Variants in RAB8A observed in about 807,000 individuals in gnomAD.
RAB8A encodes the protein RAB8A, member RAS oncogene family.
Under a neutral mutation model 29.2 loss-of-function variants are expected in RAB8A, and 5 were observed. The observed-to-expected ratio is 0.17, with a 90% confidence interval of 0.09 to 0.36. RAB8A has a LOEUF of 0.36. RAB8A is among the 10% of genes least tolerant of loss of function. RAB8A has a pLI of 1.00. For synonymous variants in RAB8A, 108 were observed against 99.9 expected, an observed-to-expected ratio of 1.08 and a Z score of -0.49; for missense variants, 171 against 272.2, an observed-to-expected ratio of 0.63 and a Z score of 2.62.
intron 4 of RAB8A, chr19:16,126,678 G>A (rs558280257): frequency 2.6e-5 from 4 of 152,362 alleles, no homozygotes; most frequent in Non-Finnish European, 4.4e-5. Flanking sequence ...CCTCAGGCAC[G>A]GCCTGTTTCT....
At position 16,132,461 on chromosome 19, in the gene RAB8A, T is replaced by C; in HGVS notation, c.*157T>C. ...CAGAATGCAATTGAGAAATCGTTTA[T>C]TTTAGTAACTGTCTGATCTTTTTCA... is the stretch of plus-strand genomic sequence containing the variant. On this transcript the variant is annotated 3_prime_UTR_variant, in exon 8 of 8. Coordinates refer to ENST00000300935, the MANE Select transcript of RAB8A (RefSeq NM_005370.5). This position sits in a 1 kb window ranked among gnomAD's most constrained non-coding sequence, Gnocchi z 5.6. 6.2e-6 allele frequency: 4 copies of C among 640,068 alleles called. No individual in the cohort carries two copies. Among genetic ancestry groups the C allele is most frequent in the Non-Finnish European group, 1.1e-5 (4 of 370,320 alleles). The allele number at this position is 640,068 out of a possible 1,614,324, so 39.6% of individuals were successfully genotyped here. A position where few individuals can be genotyped will look rare whatever the true frequency, so the allele number is the denominator to read the frequency against.
intron 6 of RAB8A, among the ~76,000 whole-genome samples, chr19:16,128,432 T>C (rs755855324): frequency 1.3e-5 from 2 of 152,102 alleles, no homozygotes; most frequent in Non-Finnish European, 2.9e-5. Context: ...GCCACACCAC[T>C]CACCCTGGAG....
chr19:16,118,865 T>A (rs1056879340), intron 2 of RAB8A, among the ~76,000 whole-genome samples: 1 of 152,124 alleles, frequency 6.6e-6, no homozygotes, highest in Non-Finnish European at 1.5e-5. Flanking sequence ...CACATACAAT[T>A]AGGGAAGTGG....
rs1197660545 is a variant in RAB8A at position 16,125,493 on chromosome 19, C to T, written c.270C>T (p.Ile90=). 1 of 1,614,052 alleles carries T rather than the reference C, an allele frequency of 6.2e-7. No homozygotes were observed. Among genetic ancestry groups the T allele is most frequent in the African/African-American group, 1.3e-5 (1 of 74,940 alleles). Residue 90 remains isoleucine, a synonymous_variant, in exon 4 of 8, where the codon ATC becomes ATT. Coordinates refer to ENST00000300935, the MANE Select transcript of RAB8A (RefSeq NM_005370.5). The surrounding 1 kb of genome is among the most constrained non-coding windows in gnomAD (Gnocchi z 5.0). Reference sequence around the variant, plus strand: ...AGGGCATCATGCTGGTCTACGACATCACCAACGAGAAGTCCTTCGACAACA... The same window carrying T: ...AGGGCATCATGCTGGTCTACGACATTACCAACGAGAAGTCCTTCGACAACA... ...GAMGIMLVYD[I]TNEKSFDNIR...
chr19:16,127,599 C>A lies in RAB8A; in HGVS notation c.414+73C>A. On this transcript the variant is annotated intron_variant, in intron 5 of 7. Transcript: ENST00000300935. The surrounding 1 kb of genome is among the most constrained non-coding windows in gnomAD (Gnocchi z 4.8). Reference sequence around the variant, plus strand: ...CTTGTGCAGAGGCCTTCCCCTGTCCCTCCTCTGCCCCAGGGGCCTGAGACG... The same window carrying A: ...CTTGTGCAGAGGCCTTCCCCTGTCCATCCTCTGCCCCAGGGGCCTGAGACG... 8.3e-7 allele frequency: 1 copy of A among 1,208,644 alleles called. No individual in the cohort carries two copies. Among genetic ancestry groups the A allele is most frequent in the Non-Finnish European group, 1.1e-6 (1 of 885,590 alleles). The allele number at this position is 1,208,644 out of a possible 1,614,324, so 74.9% of individuals were successfully genotyped here. A position where few individuals can be genotyped will look rare whatever the true frequency, so the allele number is the denominator to read the frequency against.
chr19:16,118,700 A>G (rs2090858206), intron 2 of RAB8A, among the ~76,000 whole-genome samples: 1 of 152,108 alleles, frequency 6.6e-6, no homozygotes. Flanking sequence ...TCAGAAGCAT[A>G]AAGGTCCAAC....
Position 16,118,305 on chromosome 19 carries a change from T to C in RAB8A, c.185+19T>C, listed in dbSNP as rs776862045. On this transcript the variant is annotated intron_variant, in intron 2 of 7. Transcript: ENST00000300935. ...AGATATGGTAAGAGTCATTGTTCTC[T>C]GTCATTCTCTCCACCTGGCAATGGC... The C allele has an allele frequency of 6.2e-7, 1 of 1,604,268 alleles. No individual in the cohort carries two copies.
chr19:16,113,157 A>G (rs912794561), intron 1 of RAB8A, among the ~76,000 whole-genome samples: 18 of 152,326 alleles, frequency 1.2e-4, no homozygotes, highest in African/African-American at 3.6e-4. Context: ...CTGGCCCACA[A>G]TGAAAAGGTT....
At chr19:16,112,072 G>T (rs1168799122) in intron 1 of RAB8A, 47 bp downstream of exon 1, 1 of 1,606,170 alleles carries the variant, frequency 6.2e-7, no homozygotes, top group South Asian at 1.1e-5. Flanking sequence ...CCCGGGCTGG[G>T]CGCGCCCCTG....
Position 16,132,544 on chromosome 19 carries a change from G to T in RAB8A, c.*240G>T, listed in dbSNP as rs568968727. The T allele has an allele frequency of 4.9e-4, 259 of 528,440 alleles. 1 individual carries two copies. Among genetic ancestry groups the T allele is most frequent in the African/African-American group, 4.6e-3 (239 of 52,052 alleles). The allele number at this position is 528,440 out of a possible 1,614,324, so 32.7% of individuals were successfully genotyped here. ...ATTTTTCCTGTAACATCTGCTGAACGGGCCCACCCACACGTTGTATATTCA... is the reference window on the plus strand; with the variant it reads ...ATTTTTCCTGTAACATCTGCTGAACTGGCCCACCCACACGTTGTATATTCA... On this transcript the variant is annotated 3_prime_UTR_variant, in exon 8 of 8. Transcript: ENST00000300935. The surrounding 1 kb of genome is among the most constrained non-coding windows in gnomAD (Gnocchi z 5.6).
At chr19:16,117,488 CA>C (rs111522838) in intron 1 of RAB8A, among the ~76,000 whole-genome samples, 191 of 135,622 alleles carry the variant, frequency 1.4e-3, no homozygotes, top group Middle Eastern at 3.6e-3. Context: ...GACTCCATCT[CA>C]AAAAAAAAAA....
chr19:16,131,596 T>C (rs1315580809), intron 7 of RAB8A, among the ~76,000 whole-genome samples: 5 of 151,184 alleles, frequency 3.3e-5, no homozygotes, highest in Admixed American at 6.6e-5. Context: ...GATGGGTGGA[T>C]GGATGGTTGG....
chr19:16,120,551 TCTG>T (rs2090869890), intron 2 of RAB8A, among the ~76,000 whole-genome samples: 4 of 151,572 alleles, frequency 2.6e-5, no homozygotes, highest in Non-Finnish European at 5.9e-5. Context: ...CCTCAGGTGA[TCTG>T]CTGGCCTCAG....
chr19:16,118,981 G>A (rs1356950204), intron 2 of RAB8A, among the ~76,000 whole-genome samples: 3 of 152,220 alleles, frequency 2.0e-5, no homozygotes, highest in Admixed American at 2.0e-4. Context: ...CTCGCACAGA[G>A]TCACTGGCCC....
chr19:16,125,463 C>T lies in RAB8A; in HGVS notation c.247-7C>T, dbSNP rs780405164. The T allele has an allele frequency of 6.3e-5, 101 of 1,613,402 alleles. No homozygotes were observed. Among genetic ancestry groups the T allele is most frequent in the African/African-American group, 8.0e-5 (6 of 74,908 alleles). ...ATCAGGCACCTGTGTCTTCTCTCCCCGCGCAGGGCATCATGCTGGTCTACG... is the reference window on the plus strand; with the variant it reads ...ATCAGGCACCTGTGTCTTCTCTCCCTGCGCAGGGCATCATGCTGGTCTACG... On this transcript the variant is annotated splice_region_variant and splice_polypyrimidine_tract_variant and intron_variant, in intron 3 of 7. Transcript: ENST00000300935. This position sits in a 1 kb window ranked among gnomAD's most constrained non-coding sequence, Gnocchi z 5.0.
At chr19:16,115,466 C>T (rs192198360) in intron 1 of RAB8A, among the ~76,000 whole-genome samples, 7 of 152,222 alleles carry the variant, frequency 4.6e-5, no homozygotes, top group African/African-American at 1.7e-4. Context: ...TGAACTTGGC[C>T]CTGTAGCTCC....
Position 16,125,016 on chromosome 19 carries a change from T to G in RAB8A, c.247-454T>G. The G allele has an allele frequency of 4.4e-6, 1 of 229,608 alleles. No homozygotes were observed. Among genetic ancestry groups the G allele is most frequent in the Non-Finnish European group, 9.0e-6 (1 of 111,258 alleles). The allele number at this position is 229,608 out of a possible 1,614,324, so 14.2% of individuals were successfully genotyped here. A position where few individuals can be genotyped will look rare whatever the true frequency, so the allele number is the denominator to read the frequency against. The stretch of plus-strand genomic sequence containing the variant: ...GGTCAGGACTTCCTGGGCTCAGTTG[T>G]GCCTGGTAGGTGGCTCAGGCAGAGC... On this transcript the variant is annotated intron_variant, in intron 3 of 7. Transcript: ENST00000300935. The surrounding 1 kb of genome is among the most constrained non-coding windows in gnomAD (Gnocchi z 5.0).
At chr19:16,121,928 G>A in intron 3 of RAB8A, 118 bp downstream of exon 3, 1 of 979,260 alleles carries the variant, frequency 1.0e-6, no homozygotes, top group Non-Finnish European at 1.6e-6. Flanking sequence ...AACTCCTCAG[G>A]GCTCCTTGGT....
Position 16,122,740 on chromosome 19 carries a change from T to C in RAB8A, c.246+930T>C, listed in dbSNP as rs558872513. ...GGAGGGTGGAGATGGAAGGAGGCAT[T>C]ATGTGTTTAGAGCATCCCACACGGC... On this transcript the variant is annotated intron_variant, in intron 3 of 7. Transcript: ENST00000300935. The surrounding 1 kb of genome is among the most constrained non-coding windows in gnomAD (Gnocchi z 4.7). Among the ~76,000 whole-genome samples the C allele has an allele frequency of 9.9e-4, 150 of 152,098 alleles. No homozygotes were observed. The highest frequency in any genetic ancestry group is 3.5e-3 in the African/African-American group (144 of 41,472).
Sources: gnomAD v4.1 joint callset for allele counts (sites outside exome capture counted in the v4.1 genomes callset) on GRCh38, gnomAD v4.1.1 for gene constraint, Gnocchi (gnomAD v3.1) non-coding constraint, MANE v1.5 for transcripts, NCBI Gene and HGNC (gene_info 2026-07-23, HGNC 2026-07-21) for gene names.